GALNT13: variants seen among roughly 807,000 people sequenced by gnomAD.
GALNT13 encodes the protein UDP-GalNAc:polypeptide N-acetylgalactosaminyltransferase 13.
In GALNT13, 28 loss-of-function variants were observed where a neutral mutation model predicts 64.2. The ratio of observed to expected loss-of-function variants is 0.44; its 90% CI spans 0.32 to 0.60. The LOEUF (loss-of-function observed/expected upper bound fraction) is 0.60, where lower values mean the gene tolerates loss of function less well. Among genes scored for constraint, GALNT13 ranks in the 20% least tolerant of loss-of-function variants. The pLI is 0.05. For missense variants in GALNT13, 577 were observed against 669.8 expected, an observed-to-expected ratio of 0.86 and a Z score of 1.53; for synonymous variants, 214 against 224.6, an observed-to-expected ratio of 0.95 and a Z score of 0.42.
the GALNT13 span, among the ~76,000 whole-genome samples, chr2:153,280,308 A>G: frequency 3.3e-5 from 5 of 152,100 alleles, no homozygotes; most frequent in African/African-American, 9.7e-5. Context: ...TAACCTTTCA[A>G]AAAACCAACT....
chr2:153,842,503 A>G, the GALNT13 span, among the ~76,000 whole-genome samples: 6 of 152,178 alleles, frequency 3.9e-5, no homozygotes, highest in Admixed American at 3.3e-4. Flanking sequence ...CTTACAAAAG[A>G]CTAAAAAACA....
At chr2:153,646,211 A>C in the GALNT13 span, among the ~76,000 whole-genome samples, 505 of 152,158 alleles carry the variant, frequency 3.3e-3, 1 homozygote, top group Non-Finnish European at 4.3e-3. Context: ...GACTGATCAC[A>C]AACAATATTT....
chr2:154,346,346 C>T (rs1170170874), intron 9 of GALNT13, among the ~76,000 whole-genome samples: 2 of 151,948 alleles, frequency 1.3e-5, no homozygotes, highest in Non-Finnish European at 2.9e-5. Context: ...CAGACTGAAC[C>T]TTCTTCCCAT....
At chr2:153,674,932 G>A in the GALNT13 span, among the ~76,000 whole-genome samples, 3 of 152,018 alleles carry the variant, frequency 2.0e-5, no homozygotes, top group African/African-American at 7.2e-5. Context: ...GCATCCAACA[G>A]ACATATGAAA....
chr2:154,337,001 T>C (rs1695479174), intron 9 of GALNT13, among the ~76,000 whole-genome samples: 1 of 152,086 alleles, frequency 6.6e-6, no homozygotes, highest in Non-Finnish European at 1.5e-5. Flanking sequence ...TCTCCAATTA[T>C]TAATATAATT....
intron 4 of GALNT13, among the ~76,000 whole-genome samples, chr2:154,227,592 G>C (rs112664347): frequency 0.025 from 3,691 of 148,740 alleles, 132 homozygotes; most frequent in African/African-American, 0.079. Context: ...TTGGTTTTTT[G>C]TCCTTGCGAT....
intron 9 of GALNT13, among the ~76,000 whole-genome samples, chr2:154,379,973 A>G (rs1016344503): frequency 6.6e-6 from 1 of 152,068 alleles, no homozygotes; most frequent in Non-Finnish European, 1.5e-5. Flanking sequence ...AAATTTTTTT[A>G]TCTAGCAGAA....
the GALNT13 span, among the ~76,000 whole-genome samples, chr2:153,084,033 G>A: frequency 3.3e-5 from 5 of 152,278 alleles, no homozygotes; most frequent in Non-Finnish European, 5.9e-5. Context: ...CTTTGTTGAA[G>A]ATCAGTTGTC....
chr2:154,415,220 T>A (rs1360490912), intron 11 of GALNT13, among the ~76,000 whole-genome samples: 1 of 152,188 alleles, frequency 6.6e-6, no homozygotes, highest in Admixed American at 6.6e-5. Flanking sequence ...ATAAACATTT[T>A]ACTTTGAAAC....
the GALNT13 span, among the ~76,000 whole-genome samples, chr2:153,585,412 C>T: frequency 6.6e-6 from 1 of 152,168 alleles, no homozygotes. Flanking sequence ...TAAACAAAGC[C>T]TTTGAGACAT....
chr2:153,322,533 G>A, the GALNT13 span, among the ~76,000 whole-genome samples: 2 of 152,008 alleles, frequency 1.3e-5, no homozygotes, highest in African/African-American at 4.8e-5. Flanking sequence ...TTTAAGTTCT[G>A]GGATATATGT....
the GALNT13 span, among the ~76,000 whole-genome samples, chr2:153,462,938 A>C: frequency 8.5e-4 from 130 of 152,204 alleles, 1 homozygote; most frequent in Middle Eastern, 3.4e-3. Context: ...TTTTGCAGAG[A>C]TCTTAGGATT....
the GALNT13 span, among the ~76,000 whole-genome samples, chr2:153,724,155 C>T: frequency 4.9e-5 from 7 of 141,428 alleles, no homozygotes; most frequent in Non-Finnish European, 7.5e-5. Flanking sequence ...ACGCCACATA[C>T]CTACAACTAT....
the GALNT13 span, among the ~76,000 whole-genome samples, chr2:153,493,095 C>A: frequency 6.6e-6 from 1 of 151,556 alleles, no homozygotes; most frequent in East Asian, 1.9e-4. Context: ...AAATGAAGAG[C>A]TAAGGTACCA....
the GALNT13 span, among the ~76,000 whole-genome samples, chr2:153,502,636 C>T: frequency 6.6e-6 from 1 of 152,174 alleles, no homozygotes; most frequent in Non-Finnish European, 1.5e-5. Context: ...AATGTTAGAT[C>T]TACTTTTAGT....
the GALNT13 span, among the ~76,000 whole-genome samples, chr2:153,345,715 TTCTG>T: frequency 2.2e-3 from 224 of 101,146 alleles, 6 homozygotes; most frequent in African/African-American, 6.5e-3. Flanking sequence ...CTTTCTCTCT[TTCTG>T]TCCTTCCTTC....
chr2:154,275,473 G>T (rs922439365), intron 8 of GALNT13, among the ~76,000 whole-genome samples: 15 of 152,222 alleles, frequency 9.9e-5, no homozygotes, highest in African/African-American at 3.6e-4. Context: ...TGTTTTAGGG[G>T]GTGCAAGCCC....
At chr2:154,087,208 G>A (rs540835065) in intron 3 of GALNT13, among the ~76,000 whole-genome samples, 2 of 151,468 alleles carry the variant, frequency 1.3e-5, no homozygotes, top group Non-Finnish European at 2.9e-5. Context: ...AAAAAAAAAA[G>A]ATCAGACTCT....
intron 7 of GALNT13, among the ~76,000 whole-genome samples, chr2:154,251,518 T>C (rs1690070514): frequency 6.6e-6 from 1 of 152,314 alleles, no homozygotes; most frequent in East Asian, 1.9e-4. Context: ...ATTTTTCTTA[T>C]TCCTTAAAAA....
Sources: gnomAD v4.1 joint callset for allele counts (sites outside exome capture counted in the v4.1 genomes callset) on GRCh38, gnomAD v4.1.1 for gene constraint, MANE v1.5 for transcripts, NCBI Gene and HGNC (gene_info 2026-07-23, HGNC 2026-07-21) for gene names.